Variants in RCAN2 observed in about 807,000 individuals in gnomAD.
The protein encoded by RCAN2 is calcipressin-2.
RCAN2 carries 9 observed loss-of-function variants against 23.6 expected under a neutral mutation model. The observed-to-expected ratio is 0.38, with a 90% CI of 0.23 to 0.67. The LOEUF (loss-of-function observed/expected upper bound fraction) is 0.67, where lower values mean the gene tolerates loss of function less well. Among genes scored for constraint, RCAN2 ranks in the 30% least tolerant of loss-of-function variants. The pLI, the probability that RCAN2 is intolerant of heterozygous loss-of-function variation, is 0.51. For synonymous variants in RCAN2, 109 were observed against 115.7 expected (o/e 0.94, Z 0.37); for missense variants, 273 against 302.3 (o/e 0.90, Z 0.72).
intron 2 of RCAN2, among the ~76,000 whole-genome samples, chr6:46,371,160 T>C (rs985187257): frequency 5.9e-5 from 9 of 152,114 alleles, no homozygotes; most frequent in African/African-American, 2.2e-4. Flanking sequence ...ACTAAAGATA[T>C]AAAGGAACAT....
At chr6:46,354,877 TCTC>T (rs1764775065) in intron 2 of RCAN2, among the ~76,000 whole-genome samples, 1 of 151,250 alleles carries the variant, frequency 6.6e-6, no homozygotes, top group South Asian at 2.1e-4. Flanking sequence ...TGCAGAGACT[TCTC>T]AGGAAAAAGA....
At chr6:46,491,659 C>T (rs904104323), upstream of RCAN2, among the ~76,000 whole-genome samples, 3 of 152,002 alleles carry the variant, frequency 2.0e-5, no homozygotes, top group Admixed American at 6.5e-5. Context: ...CAGCCCCGCA[C>T]CCCCTCCTTT....
intron 2 of RCAN2, among the ~76,000 whole-genome samples, chr6:46,354,844 G>A (rs1764773864): frequency 6.6e-6 from 1 of 151,868 alleles, no homozygotes; most frequent in Non-Finnish European, 1.5e-5. Flanking sequence ...TTTATTATGA[G>A]CTTTCTAATC....
intron 2 of RCAN2, among the ~76,000 whole-genome samples, chr6:46,354,897 ATGTGTG>A (rs6149559): frequency 0.027 from 3,870 of 144,666 alleles, 72 homozygotes; most frequent in African/African-American, 0.053. Context: ...AAGATTATAT[ATGTGTG>A]TGTGTGTGTG....
chr6:46,332,022 G>A (rs1763990228), intron 2 of RCAN2, among the ~76,000 whole-genome samples: 1 of 152,144 alleles, frequency 6.6e-6, no homozygotes, highest in South Asian at 2.1e-4. Flanking sequence ...TGTCCTTAGA[G>A]TATATCCCAT....
chr6:46,384,992 A>G (rs1765704538), intron 2 of RCAN2, among the ~76,000 whole-genome samples: 1 of 152,216 alleles, frequency 6.6e-6, no homozygotes, highest in Non-Finnish European at 1.5e-5. Context: ...CTGAAACAAG[A>G]ATGGCAGAAT....
intron 2 of RCAN2, among the ~76,000 whole-genome samples, chr6:46,453,427 A>G (rs913866873): frequency 6.6e-6 from 1 of 152,222 alleles, no homozygotes; most frequent in Non-Finnish European, 1.5e-5. Flanking sequence ...AAAGCATGAA[A>G]TCAAAATACA....
At chr6:46,358,494 G>C (rs2150381987) in intron 2 of RCAN2, among the ~76,000 whole-genome samples, 1 of 152,252 alleles carries the variant, frequency 6.6e-6, no homozygotes, top group South Asian at 2.1e-4. Flanking sequence ...CCAGGAGGAG[G>C]GGGAACATCA....
chr6:46,228,810 T>C (rs986000888), intron 4 of RCAN2, among the ~76,000 whole-genome samples: 1 of 152,206 alleles, frequency 6.6e-6, no homozygotes, highest in African/African-American at 2.4e-5. Flanking sequence ...GATCCTGTCA[T>C]TATGATGTTA....
intron 2 of RCAN2, among the ~76,000 whole-genome samples, chr6:46,305,739 TAGAC>T (rs1456171779): frequency 6.6e-6 from 1 of 151,940 alleles, no homozygotes; most frequent in African/African-American, 2.4e-5. Flanking sequence ...TATTTCTCCA[TAGAC>T]AGCTGCTGGA....
intron 2 of RCAN2, among the ~76,000 whole-genome samples, chr6:46,253,660 T>G (rs1017885714): frequency 2.0e-5 from 3 of 152,186 alleles, no homozygotes; most frequent in African/African-American, 7.2e-5. Context: ...TTTTCTGCTT[T>G]TTTTCTTTTT....
At chr6:46,482,458 G>C (rs1413930165) in intron 1 of RCAN2, among the ~76,000 whole-genome samples, 1 of 152,132 alleles carries the variant, frequency 6.6e-6, no homozygotes, top group South Asian at 2.1e-4. Flanking sequence ...TGTGTTTTTG[G>C]AAATGGGGCA....
intron 1 of RCAN2, among the ~76,000 whole-genome samples, chr6:46,487,190 C>T (rs761462371): frequency 6.6e-6 from 1 of 152,158 alleles, no homozygotes; most frequent in Non-Finnish European, 1.5e-5. Context: ...TTATTTACAG[C>T]AACATTGGCC....
At chr6:46,251,616 C>T (rs1044100750) in intron 2 of RCAN2, among the ~76,000 whole-genome samples, 14 of 151,936 alleles carry the variant, frequency 9.2e-5, no homozygotes, top group African/African-American at 3.4e-4. Context: ...CCTTCCTTTT[C>T]ATTTCATATT....
chr6:46,241,148 G>A (rs569373741), intron 4 of RCAN2, among the ~76,000 whole-genome samples: 143 of 152,278 alleles, frequency 9.4e-4, no homozygotes, highest in African/African-American at 3.2e-3. Flanking sequence ...TGCCACGTGC[G>A]TCTCTATTTT....
chr6:46,231,271 A>G (rs61616964), intron 4 of RCAN2, among the ~76,000 whole-genome samples: 12,118 of 152,178 alleles, frequency 0.08, 1,674 homozygotes, highest in African/African-American at 0.28. Context: ...GGAACTACCC[A>G]AAGCTACGAC....
At chr6:46,486,640 A>ATT (rs904476698) in intron 1 of RCAN2, among the ~76,000 whole-genome samples, 2 of 152,184 alleles carry the variant, frequency 1.3e-5, no homozygotes, top group African/African-American at 4.8e-5. Context: ...AAAATAATAC[A>ATT]TTTTTTTGGT....
chr6:46,342,006 G>C (rs1376065903), intron 2 of RCAN2, among the ~76,000 whole-genome samples: 1 of 121,380 alleles, frequency 8.2e-6, no homozygotes, highest in Non-Finnish European at 1.8e-5. Flanking sequence ...CTTAGATTGG[G>C]ATTTGGGTTG....
chr6:46,228,990 G>C (rs1198662205), intron 4 of RCAN2, among the ~76,000 whole-genome samples: 1 of 152,092 alleles, frequency 6.6e-6, no homozygotes, highest in African/African-American at 2.4e-5. Context: ...CTCAGCATTT[G>C]CTTGTCTGTA....
Sources: allele counts gnomAD v4.1 joint callset (sites outside exome capture counted in the v4.1 genomes callset), GRCh38; gene constraint gnomAD v4.1.1; transcripts MANE v1.5; gene names NCBI Gene and HGNC (gene_info 2026-07-23, HGNC 2026-07-21).